Variants in CTNND2 observed in about 807,000 individuals in gnomAD.
CTNND2 encodes the protein catenin delta-2.
Under a neutral mutation model 144.4 loss-of-function variants are expected in CTNND2, and 22 were observed. The observed-to-expected ratio is 0.15, with a 90% confidence interval of 0.11 to 0.22. The LOEUF is 0.22. Ranked by LOEUF, CTNND2 falls within the 10% of genes least tolerant of loss-of-function variation. The pLI, the probability that CTNND2 is intolerant of heterozygous loss-of-function variation, is 1.00. For synonymous variants in CTNND2, 751 were observed against 695.6 expected, an observed-to-expected ratio of 1.08 and a Z score of -1.25; for missense variants, 1,353 against 1,618.8, an observed-to-expected ratio of 0.84 and a Z score of 2.82.
chr5:11,098,513 T>TATA, intron 15 of CTNND2, 62 bp downstream of exon 15: 10 of 1,433,558 alleles, frequency 7.0e-6, no homozygotes, highest in Non-Finnish European at 9.5e-6. Context: ...TGGACTTATA[T>TATA]TGTTTTCTGA....
chr5:11,373,406 C>T (rs1757635295), intron 7 of CTNND2, among the ~76,000 whole-genome samples: 1 of 152,114 alleles, frequency 6.6e-6, no homozygotes, highest in South Asian at 2.1e-4. Flanking sequence ...CATGGGTGGG[C>T]TGGAACATTT....
intron 11 of CTNND2, among the ~76,000 whole-genome samples, chr5:11,177,884 A>T (rs1015067109): frequency 6.6e-6 from 1 of 152,202 alleles, no homozygotes; most frequent in Non-Finnish European, 1.5e-5. Flanking sequence ...AGTATCCTCA[A>T]TTCCATCGCA....
chr5:11,109,316 TC>T (rs1448573611), intron 14 of CTNND2, among the ~76,000 whole-genome samples: 5 of 152,230 alleles, frequency 3.3e-5, no homozygotes, highest in Admixed American at 2.0e-4. Context: ...AGCAACCATT[TC>T]TTGAACTAAC....
chr5:11,289,148 C>T (rs1418474775), intron 9 of CTNND2, among the ~76,000 whole-genome samples: 5 of 152,212 alleles, frequency 3.3e-5, no homozygotes, highest in African/African-American at 7.2e-5. Flanking sequence ...ATGAGATCCT[C>T]GTGCTGTTCT....
intron 9 of CTNND2, among the ~76,000 whole-genome samples, chr5:11,292,896 C>G (rs1011716811): frequency 3.3e-5 from 5 of 152,150 alleles, no homozygotes; most frequent in Non-Finnish European, 1.5e-5. Flanking sequence ...CCTGCCAACA[C>G]CTTGATCTCA....
At chr5:10,975,195 GCT>G (rs1431495631) in intron 21 of CTNND2, among the ~76,000 whole-genome samples, 1 of 152,154 alleles carries the variant, frequency 6.6e-6, no homozygotes, top group Non-Finnish European at 1.5e-5. Flanking sequence ...TCTTTGAAGA[GCT>G]CTGCTTGTGT....
chr5:11,862,434 T>A (rs1162950906), intron 1 of CTNND2, among the ~76,000 whole-genome samples: 1 of 152,204 alleles, frequency 6.6e-6, no homozygotes, highest in Non-Finnish European at 1.5e-5. Flanking sequence ...ATTTTCTTAC[T>A]TTGAAGGCAC....
chr5:11,379,737 G>A (rs1758290682), intron 7 of CTNND2, among the ~76,000 whole-genome samples: 1 of 152,116 alleles, frequency 6.6e-6, no homozygotes, highest in South Asian at 2.1e-4. Flanking sequence ...GGCTTCCAAA[G>A]TGATTCTCTG....
chr5:11,583,633 A>T (rs1778606347), intron 2 of CTNND2, among the ~76,000 whole-genome samples: 1 of 152,240 alleles, frequency 6.6e-6, no homozygotes, highest in Non-Finnish European at 1.5e-5. Context: ...TGGGTAAATA[A>T]TCAAGAGCAC....
chr5:11,575,202 C>A (rs1777883687), intron 2 of CTNND2, among the ~76,000 whole-genome samples: 1 of 152,198 alleles, frequency 6.6e-6, no homozygotes, highest in Non-Finnish European at 1.5e-5. Flanking sequence ...ATGACAGGCA[C>A]CATGCTTTTG....
intron 2 of CTNND2, among the ~76,000 whole-genome samples, chr5:11,665,601 G>A (rs899843882): frequency 1.3e-5 from 2 of 152,140 alleles, no homozygotes; most frequent in African/African-American, 4.8e-5. Flanking sequence ...CTTCAAGCAT[G>A]GCTACTTCCC....
intron 9 of CTNND2, among the ~76,000 whole-genome samples, chr5:11,293,540 C>T (rs985470970): frequency 6.6e-6 from 1 of 151,970 alleles, no homozygotes; most frequent in Admixed American, 6.6e-5. Context: ...CATGGTATTA[C>T]CCTTGTTAAA....
intron 8 of CTNND2, among the ~76,000 whole-genome samples, chr5:11,355,382 A>G (rs1271177506): frequency 3.3e-5 from 5 of 152,184 alleles, no homozygotes; most frequent in African/African-American, 1.2e-4. Context: ...AATGTGATAT[A>G]TCACATTAAC....
At chr5:11,822,540 C>T (rs554331144) in intron 1 of CTNND2, among the ~76,000 whole-genome samples, 1 of 152,130 alleles carries the variant, frequency 6.6e-6, no homozygotes, top group African/African-American at 2.4e-5. Flanking sequence ...CGGTCTTCTC[C>T]TTGAATAAAC....
intron 11 of CTNND2, among the ~76,000 whole-genome samples, chr5:11,183,533 C>A (rs1735317084): frequency 6.6e-6 from 1 of 151,300 alleles, no homozygotes; most frequent in Non-Finnish European, 1.5e-5. Context: ...TAAAGAAGAG[C>A]AAATCAATTT....
intron 1 of CTNND2, among the ~76,000 whole-genome samples, chr5:11,785,728 G>T (rs1277495212): frequency 6.6e-6 from 1 of 152,156 alleles, no homozygotes; most frequent in Non-Finnish European, 1.5e-5. Flanking sequence ...GAATTTGGAG[G>T]CTGGGTTACT....
chr5:11,690,974 G>T (rs1017721941), intron 2 of CTNND2, among the ~76,000 whole-genome samples: 5 of 152,118 alleles, frequency 3.3e-5, no homozygotes, highest in Non-Finnish European at 5.9e-5. Flanking sequence ...TAATGATTGT[G>T]ACCATAATGA....
intron 3 of CTNND2, among the ~76,000 whole-genome samples, chr5:11,530,603 C>T (rs1174188242): frequency 1.3e-5 from 2 of 152,196 alleles, no homozygotes; most frequent in Non-Finnish European, 2.9e-5. Context: ...ATCCACAGGG[C>T]TTCAGACCTC....
intron 16 of CTNND2, among the ~76,000 whole-genome samples, chr5:11,080,328 T>G (rs1749411941): frequency 6.6e-6 from 1 of 152,194 alleles, no homozygotes; most frequent in Admixed American, 6.5e-5. Context: ...TTGGTGAGGA[T>G]GCAGAGAAAG....
Sources: gnomAD v4.1 joint callset for allele counts (sites outside exome capture counted in the v4.1 genomes callset) on GRCh38, gnomAD v4.1.1 for gene constraint, MANE v1.5 for transcripts, NCBI Gene and HGNC (gene_info 2026-07-23, HGNC 2026-07-21) for gene names.